The following CELF4 variants were observed in gnomAD, a reference collection of about 807,000 sequenced individuals.
CELF4 encodes CUG-BP- and ETR-3-like factor 4.
CELF4 carries 18 observed loss-of-function variants against 59.9 expected under a neutral mutation model. That is an observed-to-expected ratio of 0.30 (90% CI 0.21 to 0.45). The LOEUF (loss-of-function observed/expected upper bound fraction) is 0.45. CELF4 is among the 20% of genes least tolerant of loss of function. The pLI is 1.00. For missense variants in CELF4, 456 were observed against 689.0 expected, an observed-to-expected ratio of 0.66 and a Z score of 3.79; for synonymous variants, 261 against 267.1, an observed-to-expected ratio of 0.98 and a Z score of 0.22.
chr18:37,321,689 C>T (rs1221770401), intron 3 of CELF4, 114 bp downstream of exon 3: 30 of 733,904 alleles, frequency 4.1e-5, no homozygotes, highest in Admixed American at 1.1e-4. Context: ...GCCACGAGAT[C>T]CCCAGAGGGG....
chr18:37,470,879 T>TGAGAGA (rs1569569553), intron 2 of CELF4, among the ~76,000 whole-genome samples: 1 of 85,098 alleles, frequency 1.2e-5, no homozygotes, highest in Non-Finnish European at 2.4e-5. Context: ...TGTGTGTGTG[T>TGAGAGA]GTGTGTGTGA....
intron 5 of CELF4, 31 bp downstream of exon 5, chr18:37,274,770 TGCCC>T: frequency 6.5e-7 from 1 of 1,539,636 alleles, no homozygotes; most frequent in Non-Finnish European, 8.7e-7. Flanking sequence ...GGCCCGCCGC[TGCCC>T]TCGCCCCCGC....
At chr18:37,311,303 C>T (rs1028514251) in intron 3 of CELF4, among the ~76,000 whole-genome samples, 2 of 152,168 alleles carry the variant, frequency 1.3e-5, no homozygotes, top group African/African-American at 2.4e-5. Context: ...GTGCCTGCTC[C>T]GCTGGTGCCT....
chr18:37,437,547 C>T (rs559683187), intron 2 of CELF4, among the ~76,000 whole-genome samples: 5 of 152,220 alleles, frequency 3.3e-5, no homozygotes, highest in Non-Finnish European at 4.4e-5. Context: ...CAGCACTCTG[C>T]TTCCCCACTC....
intron 2 of CELF4, among the ~76,000 whole-genome samples, chr18:37,428,184 C>T (rs2099625982): frequency 6.6e-6 from 1 of 152,204 alleles, no homozygotes; most frequent in Non-Finnish European, 1.5e-5. Context: ...TTTGAAAATA[C>T]TAATTTAAGG....
At chr18:37,297,807 T>C (rs2095749621) in intron 3 of CELF4, among the ~76,000 whole-genome samples, 1 of 152,386 alleles carries the variant, frequency 6.6e-6, no homozygotes, top group South Asian at 2.1e-4. Flanking sequence ...TGTCTGTGCC[T>C]GGCTTCTTTC....
chr18:37,426,402 T>C (rs1008820621), intron 2 of CELF4, among the ~76,000 whole-genome samples: 1 of 152,146 alleles, frequency 6.6e-6, no homozygotes, highest in Non-Finnish European at 1.5e-5. Context: ...ACTCTTCCAG[T>C]GGCTGGGGAG....
At chr18:37,395,616 C>G (rs890552765) in intron 2 of CELF4, among the ~76,000 whole-genome samples, 1 of 152,188 alleles carries the variant, frequency 6.6e-6, no homozygotes, top group Non-Finnish European at 1.5e-5. Context: ...TGCTAGGGTC[C>G]CCATCTCACA....
chr18:37,325,166 G>A (rs548868434), intron 2 of CELF4, among the ~76,000 whole-genome samples: 64 of 140,834 alleles, frequency 4.5e-4, no homozygotes, highest in Admixed American at 2.8e-3. Context: ...CCCAACGGGG[G>A]AGTGAGGCCA....
intron 2 of CELF4, among the ~76,000 whole-genome samples, chr18:37,395,707 C>T: frequency 6.6e-6 from 1 of 152,340 alleles, no homozygotes; most frequent in African/African-American, 2.4e-5. Context: ...ATCCAATTGA[C>T]CTCTTGGTTG....
In CELF4 at chr18:37,450,712, G is replaced by A. The variant is rs529996361; in HGVS notation, c.369+34813C>T. On this transcript the variant is annotated intron_variant, in intron 2 of 12. Transcript: ENST00000420428. ...TACGGGGCACCCGCCTCACCTCATG[G>A]GCTCCCCAGATGCCTTCCCCTCCCC... Among the ~76,000 whole-genome samples, 8 of 152,004 alleles carry A rather than the reference G, an allele frequency of 5.3e-5. No individual in the cohort carries two copies. The South Asian group carries it at 1.7e-3, about 32-fold the overall frequency.
At chr18:37,490,923 G>A (rs561253689) in intron 1 of CELF4, among the ~76,000 whole-genome samples, 1 of 152,238 alleles carries the variant, frequency 6.6e-6, no homozygotes, top group East Asian at 1.9e-4. Flanking sequence ...ACCCGTTAGG[G>A]GTCAGCGCTT....
chr18:37,374,764 C>T (rs1603630702), intron 2 of CELF4, among the ~76,000 whole-genome samples: 1 of 152,148 alleles, frequency 6.6e-6, no homozygotes, highest in South Asian at 2.1e-4. Context: ...TTGTCCTTAC[C>T]CAGCACTGAG....
At chr18:37,444,650 A>ACACACACG (rs1223382369) in intron 2 of CELF4, among the ~76,000 whole-genome samples, 313 of 136,580 alleles carry the variant, frequency 2.3e-3, no homozygotes, top group African/African-American at 8.0e-3. Flanking sequence ...ACACACACAC[A>ACACACACG]CACGCGAACG....
chr18:37,443,790 C>G (rs1366052520), intron 2 of CELF4, among the ~76,000 whole-genome samples: 3 of 152,162 alleles, frequency 2.0e-5, no homozygotes, highest in Admixed American at 6.5e-5. Flanking sequence ...TTCACAAGCT[C>G]AATCCCTTTT....
chr18:37,267,764 G>A (rs2078383925), intron 8 of CELF4, among the ~76,000 whole-genome samples: 2 of 152,150 alleles, frequency 1.3e-5, no homozygotes, highest in Non-Finnish European at 1.5e-5. Context: ...GGCTGGGCAC[G>A]GTGGCTCATG....
chr18:37,431,304 A>T (rs2154600767), intron 2 of CELF4, among the ~76,000 whole-genome samples: 2 of 147,578 alleles, frequency 1.4e-5, no homozygotes, highest in South Asian at 4.3e-4. Flanking sequence ...TGGTGGGCTT[A>T]TCATCTCCTC....
chr18:37,404,133 G>A (rs1052876502), intron 2 of CELF4, among the ~76,000 whole-genome samples: 2 of 152,202 alleles, frequency 1.3e-5, no homozygotes, highest in Admixed American at 1.3e-4. Context: ...AGCCCCATGG[G>A]CAGGCCTGAG....
intron 8 of CELF4, among the ~76,000 whole-genome samples, chr18:37,268,251 A>G (rs2078681447): frequency 6.6e-6 from 1 of 152,076 alleles, no homozygotes; most frequent in Non-Finnish European, 1.5e-5. Context: ...CCAGTCCCAC[A>G]CCCTGTCCCT....
Sources: gnomAD v4.1 joint callset for allele counts (sites outside exome capture counted in the v4.1 genomes callset) on GRCh38, gnomAD v4.1.1 for gene constraint, MANE v1.5 for transcripts, NCBI Gene and HGNC (gene_info 2026-07-23, HGNC 2026-07-21) for gene names.